PPP1R12B: variants seen among roughly 807,000 people sequenced by gnomAD.
PPP1R12B encodes the protein protein phosphatase 1 regulatory subunit 12B.
Under a neutral mutation model 126.1 loss-of-function variants are expected in PPP1R12B, and 76 were observed. The ratio of observed to expected loss-of-function variants is 0.60; its 90% CI spans 0.50 to 0.73. The LOEUF (loss-of-function observed/expected upper bound fraction) is 0.73. Among genes scored for constraint, PPP1R12B ranks in the 30% least tolerant of loss-of-function variants. The pLI, the probability that PPP1R12B is intolerant of heterozygous loss-of-function variation, is 0.00. For missense variants in PPP1R12B, 1,052 were observed against 1,205.1 expected (o/e 0.87, Z 1.88); for synonymous variants, 356 against 434.7 (o/e 0.82, Z 2.25).
Position 202,580,498 on chromosome 1 carries a change from A to C in PPP1R12B, c.2887A>C (p.Asn963His), listed in dbSNP as rs1313591406. ...GGTGTTAACAGAACTGAAATCCGAC[A>C]ACCAGAGGCTGAAAGATGAAAATGG... ...MKVLTELKSDNQRLKDENGAL... is the reference protein window; with the variant it reads ...MKVLTELKSDHQRLKDENGAL... The change falls in exon 24 of 24, where the codon AAC becomes CAC. Residue 963 changes from asparagine to histidine, a missense_variant. Coordinates refer to ENST00000608999, the MANE Select transcript of PPP1R12B (RefSeq NM_002481.4). 6.2e-7 allele frequency: 1 copy of C among 1,613,922 alleles called. No homozygotes were observed. Among genetic ancestry groups the C allele is most frequent in the African/African-American group, 1.3e-5 (1 of 74,926 alleles).
intron 21 of PPP1R12B, 155 bp from the exon 22 acceptor site, chr1:202,567,623 A>G (rs1038398887): frequency 4.1e-5 from 29 of 710,924 alleles, no homozygotes; most frequent in Non-Finnish European, 6.6e-5. Flanking sequence ...TTAGAGATCT[A>G]TCAGAACCTG....
chr1:202,541,620 GTA>G (rs1026684098), intron 18 of PPP1R12B, among the ~76,000 whole-genome samples: 2 of 152,130 alleles, frequency 1.3e-5, no homozygotes, highest in African/African-American at 4.8e-5. Flanking sequence ...ATACTGAGTA[GTA>G]CCTTTAGTTG....
intron 13 of PPP1R12B, among the ~76,000 whole-genome samples, chr1:202,483,103 G>C (rs951425331): frequency 6.6e-6 from 1 of 152,036 alleles, no homozygotes; most frequent in South Asian, 2.1e-4. Context: ...ATTGGTCTAC[G>C]TGTCTGTTTT....
At chr1:202,362,826 A>G (rs1347989649) in intron 1 of PPP1R12B, among the ~76,000 whole-genome samples, 2 of 151,676 alleles carry the variant, frequency 1.3e-5, no homozygotes, top group Non-Finnish European at 2.9e-5. Context: ...TTGAATGTTT[A>G]TTTATTTATT....
At chr1:202,356,810 CT>C (rs1050249679) in intron 1 of PPP1R12B, among the ~76,000 whole-genome samples, 2 of 151,412 alleles carry the variant, frequency 1.3e-5, no homozygotes, top group Admixed American at 1.3e-4. Context: ...CCCAATGAGA[CT>C]GATTTCAGAC....
chr1:202,381,854 A>G (rs1174617627), intron 1 of PPP1R12B, among the ~76,000 whole-genome samples: 3 of 152,188 alleles, frequency 2.0e-5, no homozygotes, highest in Non-Finnish European at 2.9e-5. Context: ...TTAGTAAGAG[A>G]AACAAAGGGC....
At chr1:202,467,590 A>G (rs1675214586) in intron 13 of PPP1R12B, among the ~76,000 whole-genome samples, 2 of 152,108 alleles carry the variant, frequency 1.3e-5, no homozygotes, top group African/African-American at 4.8e-5. Context: ...TCCATGGTGT[A>G]TATGCGCCAC....
At chr1:202,527,490 G>A (rs1366034758) in intron 18 of PPP1R12B, 6 of 152,154 alleles carry the variant, frequency 3.9e-5, no homozygotes, top group African/African-American at 1.4e-4. Context: ...ATTTGGAAGA[G>A]AAATAGGGAC....
In PPP1R12B at chr1:202,534,607, T is replaced by A. The variant is rs1437473210; in HGVS notation, c.2491-24270T>A. Among the ~76,000 whole-genome samples, 10 of 149,584 alleles carry A rather than the reference T, an allele frequency of 6.7e-5. No homozygotes were observed. In the East Asian group the frequency reaches 2.0e-3, roughly 29 times the overall value. ...TATTTATGTCTGCCTTCTCTAACAATGAGAAACCTAGTTGCCATTTTCAAT... is the reference window on the plus strand; with the variant it reads ...TATTTATGTCTGCCTTCTCTAACAAAGAGAAACCTAGTTGCCATTTTCAAT... On this transcript the variant is annotated intron_variant, in intron 18 of 23. Coordinates refer to ENST00000608999, the MANE Select transcript of PPP1R12B (RefSeq NM_002481.4).
intron 1 of PPP1R12B, among the ~76,000 whole-genome samples, chr1:202,407,760 G>C (rs1042167296): frequency 6.6e-6 from 1 of 152,136 alleles, no homozygotes; most frequent in Non-Finnish European, 1.5e-5. Context: ...CTGTAGTGAC[G>C]ATCTCCTGAT....
rs1689880456 is a variant in PPP1R12B at position 202,587,380 on chromosome 1, AGCTCCTCG to A, written c.*6824_*6831del. The A allele has an allele frequency of 6.6e-6, 1 of 152,134 alleles. No individual in the cohort carries two copies. The highest frequency in any genetic ancestry group is 6.6e-5 in the Admixed American group (1 of 15,266). 9.4% of individuals were successfully genotyped at this position (152,134 alleles called of 1,614,324 possible). A position where few individuals can be genotyped will look rare whatever the true frequency, so the allele number is the denominator to read the frequency against. ...CCACCGCCCCCTATTCCAGTTTCAAAGCTCCTCGGCTATGCTAATGTCCCCTCAGAGAT... is the reference window on the plus strand; with the variant it reads ...CCACCGCCCCCTATTCCAGTTTCAAAGCTATGCTAATGTCCCCTCAGAGAT... On this transcript the variant is annotated 3_prime_UTR_variant, in exon 24 of 24. Coordinates refer to ENST00000608999, the MANE Select transcript of PPP1R12B (RefSeq NM_002481.4).
chr1:202,351,212 T>G (rs868587242), intron 1 of PPP1R12B, among the ~76,000 whole-genome samples: 2 of 146,456 alleles, frequency 1.4e-5, no homozygotes, highest in Non-Finnish European at 3.0e-5. Flanking sequence ...TGGAGAAGTT[T>G]TTGTTGTTGT....
intron 2 of PPP1R12B, among the ~76,000 whole-genome samples, chr1:202,417,653 G>A (rs1436091962): frequency 6.6e-6 from 1 of 152,164 alleles, no homozygotes. Flanking sequence ...AGGCAGTTGA[G>A]TGTATCCTAG....
At chr1:202,383,825 CAAT>C (rs1228080289) in intron 1 of PPP1R12B, among the ~76,000 whole-genome samples, 1 of 152,130 alleles carries the variant, frequency 6.6e-6, no homozygotes, top group Admixed American at 6.5e-5. Flanking sequence ...ATACATATAA[CAAT>C]AATTTATTTT....
intron 3 of PPP1R12B, among the ~76,000 whole-genome samples, chr1:202,424,791 G>T (rs1669285211): frequency 6.6e-6 from 1 of 152,250 alleles, no homozygotes; most frequent in South Asian, 2.1e-4. Context: ...AGAGTTATTG[G>T]CTAAAGGGAG....
intron 20 of PPP1R12B, among the ~76,000 whole-genome samples, chr1:202,564,186 A>G (rs1687828275): frequency 6.6e-6 from 1 of 152,240 alleles, no homozygotes; most frequent in Non-Finnish European, 1.5e-5. Flanking sequence ...AGCAATGAAA[A>G]TGTCCCATAG....
At position 202,413,523 on chromosome 1, in the gene PPP1R12B, C is replaced by A. The variant is rs1266272844; in HGVS notation, c.292-3264C>A. 1.1e-4 allele frequency among the ~76,000 whole-genome samples: 17 copies of A among 152,254 alleles called. No homozygotes were observed. In the South Asian group the frequency reaches 3.5e-3, roughly 32 times the overall value. ...TATGCTTGATTAAAACAGTGGTTAT[C>A]AAACTGATCTCAGGATTCCTTTATA... On this transcript the variant is annotated intron_variant, in intron 1 of 23. Coordinates refer to ENST00000608999, the MANE Select transcript of PPP1R12B (RefSeq NM_002481.4).
At chr1:202,441,291 G>A (rs182009265) in intron 11 of PPP1R12B, among the ~76,000 whole-genome samples, 13 of 152,288 alleles carry the variant, frequency 8.5e-5, no homozygotes, top group African/African-American at 3.1e-4. Flanking sequence ...TTAGCCAGCG[G>A]TATTGGCATC....
intron 2 of PPP1R12B, among the ~76,000 whole-genome samples, chr1:202,421,016 G>C (rs1286035946): frequency 2.3e-5 from 3 of 130,490 alleles, no homozygotes; most frequent in East Asian, 5.3e-4. Context: ...TGTCACCCAG[G>C]CTGATGTTGG....
Sources: allele counts gnomAD v4.1 joint callset (sites outside exome capture counted in the v4.1 genomes callset), GRCh38; gene constraint gnomAD v4.1.1; transcripts MANE v1.5; gene names NCBI Gene and HGNC (gene_info 2026-07-23, HGNC 2026-07-21).